The following MAPKAP1 variants were observed in gnomAD, a reference collection of about 807,000 sequenced individuals.
MAPKAP1 encodes the protein MAPK associated protein 1, also known as target of rapamycin complex 2 subunit MAPKAP1.
MAPKAP1 carries 20 observed loss-of-function variants against 65.7 expected under a neutral mutation model. The ratio of observed to expected loss-of-function variants is 0.30; its 90% CI spans 0.21 to 0.44. The LOEUF is 0.44. MAPKAP1 is among the 20% of genes least tolerant of loss of function. The pLI is 1.00. For synonymous variants in MAPKAP1, 222 were observed against 244.3 expected, an observed-to-expected ratio of 0.91 and a Z score of 0.85; for missense variants, 423 against 648.0, an observed-to-expected ratio of 0.65 and a Z score of 3.77.
intron 4 of MAPKAP1, among the ~76,000 whole-genome samples, chr9:125,594,243 A>G (rs1484295980): frequency 6.6e-6 from 1 of 152,224 alleles, no homozygotes; most frequent in Non-Finnish European, 1.5e-5. Flanking sequence ...TTTTTCTCAA[A>G]TCACAGACCA....
At chr9:125,691,555 A>G (rs924122495) in intron 1 of MAPKAP1, among the ~76,000 whole-genome samples, 3 of 152,200 alleles carry the variant, frequency 2.0e-5, no homozygotes, top group African/African-American at 7.2e-5. Flanking sequence ...CATGTAAGTG[A>G]CAGGTAAATC....
At position 125,528,209 on chromosome 9, in the gene MAPKAP1, C is replaced by A. The variant is rs375137875; in HGVS notation, c.958+14850G>T. Among the ~76,000 whole-genome samples the A allele has an allele frequency of 1.1e-3, 164 of 152,308 alleles. 1 individual carries two copies. Among genetic ancestry groups the A allele is most frequent in the Non-Finnish European group, 2.0e-3 (138 of 68,022 alleles). ...GCAAGATCAGTGTATTTGGAACTTACTGGGGACAGGGCCACAGTGCCTCTG... is the reference window on the plus strand; with the variant it reads ...GCAAGATCAGTGTATTTGGAACTTAATGGGGACAGGGCCACAGTGCCTCTG... On this transcript the variant is annotated intron_variant, in intron 7 of 11. Transcript: ENST00000265960.
intron 10 of MAPKAP1, among the ~76,000 whole-genome samples, chr9:125,453,932 T>C (rs1853059357): frequency 2.0e-5 from 3 of 152,246 alleles, no homozygotes; most frequent in African/African-American, 4.8e-5. Flanking sequence ...CAATAAATAC[T>C]ATCACTTGTT....
At chr9:125,514,946 T>C (rs905186794) in intron 7 of MAPKAP1, among the ~76,000 whole-genome samples, 8 of 152,122 alleles carry the variant, frequency 5.3e-5, no homozygotes, top group African/African-American at 1.2e-4. Context: ...CTGCATTTAG[T>C]GTCAGCTCCA....
At position 125,490,741 on chromosome 9, in the gene MAPKAP1, G is replaced by A. The variant is rs563893718; in HGVS notation, c.1067-6158C>T. On this transcript the variant is annotated intron_variant, in intron 8 of 11. Coordinates refer to ENST00000265960, the MANE Select transcript of MAPKAP1 (RefSeq NM_001006617.3). Reference sequence around the variant, plus strand: ...TTTAACCAAAGCAATGTATTGCAGCGGACTGAATGCAGAGGCAGATATGAA... The same window carrying A: ...TTTAACCAAAGCAATGTATTGCAGCAGACTGAATGCAGAGGCAGATATGAA... Among the ~76,000 whole-genome samples, 12 of 152,208 alleles carry A rather than the reference G, an allele frequency of 7.9e-5. No homozygotes were observed. In the South Asian group the frequency reaches 1.2e-3, roughly 16 times the overall value.
chr9:125,618,815 C>T (rs1388169615), intron 4 of MAPKAP1, among the ~76,000 whole-genome samples: 4 of 152,178 alleles, frequency 2.6e-5, no homozygotes, highest in East Asian at 1.9e-4. Flanking sequence ...CATCCACCCC[C>T]GCACCTTTAT....
At chr9:125,584,135 C>G (rs1275038152) in intron 5 of MAPKAP1, among the ~76,000 whole-genome samples, 2 of 152,042 alleles carry the variant, frequency 1.3e-5, no homozygotes, top group Non-Finnish European at 2.9e-5. Flanking sequence ...TTTCCTGTTT[C>G]CTTGTTCCCA....
At chr9:125,459,115 G>T (rs1486579294) in intron 10 of MAPKAP1, among the ~76,000 whole-genome samples, 1 of 146,080 alleles carries the variant, frequency 6.8e-6, no homozygotes. Flanking sequence ...GCCGGGCAGA[G>T]ACGCTCTTCA....
At chr9:125,699,410 G>A (rs949845277) in intron 1 of MAPKAP1, among the ~76,000 whole-genome samples, 3 of 151,946 alleles carry the variant, frequency 2.0e-5, no homozygotes, top group African/African-American at 7.3e-5. Flanking sequence ...AGGTCTTGCT[G>A]TGTTGCCCAG....
At chr9:125,652,403 T>C (rs932317040) in intron 4 of MAPKAP1, 4 of 454,602 alleles carry the variant, frequency 8.8e-6, no homozygotes, top group African/African-American at 2.1e-5. Flanking sequence ...TTTCCCCTGA[T>C]ACATTTTAAA....
At chr9:125,464,201 T>C (rs1055484372) in intron 10 of MAPKAP1, among the ~76,000 whole-genome samples, 1 of 80,288 alleles carries the variant, frequency 1.2e-5, no homozygotes, top group Non-Finnish European at 2.4e-5. Flanking sequence ...CTGTCTCATA[T>C]ATTAAAAAAA....
chr9:125,694,634 T>C (rs1309028584), intron 1 of MAPKAP1, among the ~76,000 whole-genome samples: 1 of 152,216 alleles, frequency 6.6e-6, no homozygotes, highest in Non-Finnish European at 1.5e-5. Context: ...AGACACACTT[T>C]ATAGAAACCG....
chr9:125,694,604 C>T (rs1357223232), intron 1 of MAPKAP1, among the ~76,000 whole-genome samples: 1 of 152,172 alleles, frequency 6.6e-6, no homozygotes, highest in Non-Finnish European at 1.5e-5. Flanking sequence ...TTTCCCCGCC[C>T]CCTCTCCCAA....
intron 7 of MAPKAP1, among the ~76,000 whole-genome samples, chr9:125,516,386 C>A (rs1395545644): frequency 6.6e-6 from 1 of 152,176 alleles, no homozygotes; most frequent in Non-Finnish European, 1.5e-5. Flanking sequence ...ATTTTTAGAG[C>A]ATGTTAAGGA....
chr9:125,563,372 A>C (rs923432182), intron 5 of MAPKAP1, among the ~76,000 whole-genome samples: 2 of 152,168 alleles, frequency 1.3e-5, no homozygotes, highest in Admixed American at 6.5e-5. Context: ...TGCTAACTCA[A>C]ATTCTTAGAC....
intron 7 of MAPKAP1, among the ~76,000 whole-genome samples, chr9:125,526,389 T>C (rs1829768453): frequency 6.6e-6 from 1 of 152,240 alleles, no homozygotes; most frequent in African/African-American, 2.4e-5. Context: ...TCATTTATAT[T>C]TGAGATATTA....
At chr9:125,478,903 CA>C (rs1268047708) in intron 9 of MAPKAP1, among the ~76,000 whole-genome samples, 1 of 151,864 alleles carries the variant, frequency 6.6e-6, no homozygotes, top group African/African-American at 2.4e-5. Flanking sequence ...ATGAGGTTAT[CA>C]GGGAGAAAGC....
chr9:125,565,196 T>C (rs930613670), intron 5 of MAPKAP1, among the ~76,000 whole-genome samples: 3 of 152,242 alleles, frequency 2.0e-5, no homozygotes, highest in East Asian at 1.9e-4. Context: ...ATTTATTTCA[T>C]TGAATTGTTT....
intron 1 of MAPKAP1, among the ~76,000 whole-genome samples, chr9:125,703,599 C>T (rs56766677): frequency 0.02 from 3,018 of 152,118 alleles, 102 homozygotes; most frequent in African/African-American, 0.069. Context: ...CAGCAAAACC[C>T]CGTTTCTACT....
Sources: allele counts gnomAD v4.1 joint callset (sites outside exome capture counted in the v4.1 genomes callset), GRCh38; gene constraint gnomAD v4.1.1; transcripts MANE v1.5; gene names NCBI Gene and HGNC (gene_info 2026-07-23, HGNC 2026-07-21).